The following NAALADL2 variants were observed in gnomAD, a reference collection of about 807,000 sequenced individuals.
NAALADL2 encodes the protein N-acetylated alpha-linked acidic dipeptidase like 2.
NAALADL2 carries 76 observed loss-of-function variants against 87.2 expected under a neutral mutation model. That is an observed-to-expected ratio of 0.87 (90% confidence interval 0.72 to 1.05). The LOEUF (loss-of-function observed/expected upper bound fraction) is 1.05, where lower values mean the gene tolerates loss of function less well. Ranked by LOEUF, NAALADL2 falls within the 50% of genes least tolerant of loss-of-function variation. NAALADL2 has a pLI of 0.00. For missense variants in NAALADL2, 1,089 were observed against 945.8 expected, an observed-to-expected ratio of 1.15 and a Z score of -1.99; for synonymous variants, 354 against 331.0, an observed-to-expected ratio of 1.07 and a Z score of -0.75.
intron 3 of NAALADL2, among the ~76,000 whole-genome samples, chr3:174,796,449 C>T (rs1323232740): frequency 6.6e-6 from 1 of 152,058 alleles, no homozygotes; most frequent in Non-Finnish European, 1.5e-5. Flanking sequence ...TTATTTAGCT[C>T]CCACGTGTAA....
At chr3:174,641,180 G>A (rs1723143836) in intron 2 of NAALADL2, among the ~76,000 whole-genome samples, 1 of 152,136 alleles carries the variant, frequency 6.6e-6, no homozygotes, top group Non-Finnish European at 1.5e-5. Flanking sequence ...CAAACGGCCA[G>A]GGTCTCCACA....
At chr3:175,030,229 C>G (rs1287335805) in intron 1 of NAALADL2, among the ~76,000 whole-genome samples, 1 of 152,046 alleles carries the variant, frequency 6.6e-6, no homozygotes, top group Non-Finnish European at 1.5e-5. Flanking sequence ...TTATGCTTTC[C>G]TCTGATATAA....
At chr3:175,327,322 A>T (rs554328671) in intron 5 of NAALADL2, among the ~76,000 whole-genome samples, 1 of 151,622 alleles carries the variant, frequency 6.6e-6, no homozygotes, top group Non-Finnish European at 1.5e-5. Context: ...TGCCCGGCTA[A>T]TTTTTTGTAT....
rs1010860112 is a variant in NAALADL2 at position 174,575,470 on chromosome 3, A to T, written c.-115+24833A>T. ...TAGTTAGTGATGAATTTGCCTAAAAATTCTTAGGTTATCAATGATGATAAT... is the reference window on the plus strand; with the variant it reads ...TAGTTAGTGATGAATTTGCCTAAAATTTCTTAGGTTATCAATGATGATAAT... On this transcript the variant is annotated intron_variant, in intron 2 of 3. Transcript: ENST00000434257. 2.0e-5 allele frequency among the ~76,000 whole-genome samples: 3 copies of T among 152,180 alleles called. 1 individual carries two copies. Among genetic ancestry groups the T allele is most frequent in the Non-Finnish European group, 1.5e-5 (1 of 68,034 alleles).
At chr3:174,460,456 A>G (rs1288008197) in intron 1 of NAALADL2, among the ~76,000 whole-genome samples, 2 of 152,086 alleles carry the variant, frequency 1.3e-5, no homozygotes, top group African/African-American at 4.8e-5. Context: ...GTTTGTAAAC[A>G]TTTTTCTAAT....
intron 9 of NAALADL2, among the ~76,000 whole-genome samples, chr3:175,561,730 C>T (rs1222440692): frequency 6.6e-6 from 1 of 152,136 alleles, no homozygotes; most frequent in Non-Finnish European, 1.5e-5. Flanking sequence ...TTAATTTCAC[C>T]TTTATCCTCC....
At chr3:174,453,972 G>A (rs1240708338) in intron 1 of NAALADL2, among the ~76,000 whole-genome samples, 1 of 152,082 alleles carries the variant, frequency 6.6e-6, no homozygotes, top group African/African-American at 2.4e-5. Context: ...TTGCAAGCTG[G>A]ATAAAGACCG....
intron 3 of NAALADL2, among the ~76,000 whole-genome samples, chr3:174,764,879 A>G (rs1182983376): frequency 2.0e-5 from 3 of 152,190 alleles, no homozygotes; most frequent in East Asian, 1.9e-4. Context: ...TATAAGTCCA[A>G]CTAGAAACAA....
Position 174,819,086 on chromosome 3 carries a change from TG to T in NAALADL2, c.-9+81342del, listed in dbSNP as rs199728450. Among the ~76,000 whole-genome samples, 25 of 120,460 alleles carry T rather than the reference TG, an allele frequency of 2.1e-4. 2 individuals carry two copies. Among genetic ancestry groups the T allele is most frequent in the Middle Eastern group, 4.1e-3 (1 of 246 alleles). The allele number at this position is 120,460 out of a possible 152,430, so 79.0% of individuals were successfully genotyped here. ...TTTTTTTTTTTTTTTTTTTTTTTTT[TG>T]GAGACAGGATTTCCTTCTGTCACTC... On this transcript the variant is annotated intron_variant, in intron 3 of 3. Transcript: ENST00000434257.
chr3:175,466,912 A>T, intron 7 of NAALADL2, 67 bp from the exon 8 acceptor site: 3 of 1,272,400 alleles, frequency 2.4e-6, no homozygotes, highest in Non-Finnish European at 3.4e-6. Flanking sequence ...GAATTATGTA[A>T]ATGTCATTAA....
At chr3:175,315,487 A>G (rs2058211607) in intron 4 of NAALADL2, among the ~76,000 whole-genome samples, 1 of 152,186 alleles carries the variant, frequency 6.6e-6, no homozygotes, top group African/African-American at 2.4e-5. Flanking sequence ...TTTATGTAAT[A>G]TTTAACTTCT....
intron 9 of NAALADL2, among the ~76,000 whole-genome samples, chr3:175,508,841 C>G (rs1056963156): frequency 6.6e-6 from 1 of 152,012 alleles, no homozygotes; most frequent in Non-Finnish European, 1.5e-5. Context: ...GAGGACTATG[C>G]GCGATGGCTC....
At chr3:175,326,410 G>T (rs1310360165) in intron 5 of NAALADL2, among the ~76,000 whole-genome samples, 1 of 152,036 alleles carries the variant, frequency 6.6e-6, no homozygotes, top group South Asian at 2.1e-4. Flanking sequence ...AATAATCCTA[G>T]ATTTGCTCAC....
intron 10 of NAALADL2, among the ~76,000 whole-genome samples, chr3:175,585,606 T>C (rs1720432537): frequency 6.6e-6 from 1 of 152,132 alleles, no homozygotes; most frequent in Non-Finnish European, 1.5e-5. Context: ...ACAGAGCCTA[T>C]AACTAGATTC....
At chr3:175,106,535 G>A (rs1348800317) in intron 2 of NAALADL2, among the ~76,000 whole-genome samples, 1 of 152,070 alleles carries the variant, frequency 6.6e-6, no homozygotes, top group Non-Finnish European at 1.5e-5. Context: ...TGTAGTACAA[G>A]GGAATAACAA....
At chr3:174,874,892 G>A (rs1728289235) in intron 1 of NAALADL2, among the ~76,000 whole-genome samples, 1 of 151,818 alleles carries the variant, frequency 6.6e-6, no homozygotes, top group Non-Finnish European at 1.5e-5. Flanking sequence ...GAGGAAGAAG[G>A]ATCCCTTGAG....
At chr3:175,241,877 T>TTTTTTTTTTTC (rs869033664) in intron 3 of NAALADL2, among the ~76,000 whole-genome samples, 3 of 145,680 alleles carry the variant, frequency 2.1e-5, no homozygotes, top group African/African-American at 7.7e-5. Context: ...TTTTTTTTTT[T>TTTTTTTTTTTC]CTTGAGACAG....
rs142406010 is a variant in NAALADL2 at position 175,349,604 on chromosome 3, A to C, written c.1090+25279A>C. 4.7e-3 allele frequency among the ~76,000 whole-genome samples: 710 copies of C among 152,216 alleles called. 3 individuals carry two copies. Among genetic ancestry groups the C allele is most frequent in the Non-Finnish European group, 7.9e-3 (537 of 68,012 alleles). ...TTTTAAGAAAACAGACCCTTGCTTCAACCTTTTCTTCTCTTGCTCCTTATC... is the reference window on the plus strand; with the variant it reads ...TTTTAAGAAAACAGACCCTTGCTTCCACCTTTTCTTCTCTTGCTCCTTATC... On this transcript the variant is annotated intron_variant, in intron 5 of 13. Transcript: ENST00000454872.
At chr3:175,182,556 T>G (rs1389758362) in intron 2 of NAALADL2, among the ~76,000 whole-genome samples, 1 of 99,710 alleles carries the variant, frequency 1.0e-5, no homozygotes, top group Admixed American at 1.1e-4. Context: ...GCCAGTTTTT[T>G]TTTTTTTTTT....
Sources: gnomAD v4.1 joint callset for allele counts (sites outside exome capture counted in the v4.1 genomes callset) on GRCh38, gnomAD v4.1.1 for gene constraint, MANE v1.5 for transcripts, NCBI Gene and HGNC (gene_info 2026-07-23, HGNC 2026-07-21) for gene names.